AKR1C4: variants seen among roughly 807,000 people sequenced by gnomAD.
AKR1C4 encodes 3-alpha-HSD1.
In AKR1C4, 44 loss-of-function variants were observed where a neutral mutation model predicts 41.0. The observed-to-expected ratio is 1.07, with a 90% CI of 0.84 to 1.38. AKR1C4 has a LOEUF of 1.38. AKR1C4 is among the 40% of genes most tolerant of loss of function. The pLI is 0.00. For synonymous variants in AKR1C4, 165 were observed against 137.7 expected (o/e 1.20, Z -1.39); for missense variants, 438 against 387.9 (o/e 1.13, Z -1.09).
chr10:5,207,685 G>A, intron 5 of AKR1C4: 1 of 832,290 alleles, frequency 1.2e-6, no homozygotes, highest in Non-Finnish European at 1.8e-6. Flanking sequence ...AATAAAGGAA[G>A]GACTTGAGAA....
intron 1 of AKR1C4, among the ~76,000 whole-genome samples, chr10:5,199,630 G>A (rs1253172026): frequency 2.0e-5 from 3 of 152,228 alleles, no homozygotes; most frequent in Non-Finnish European, 2.9e-5. Flanking sequence ...GCCACCTACT[G>A]GCAGAAGCAG....
At chr10:5,204,744 A>G (rs1332271877) in intron 3 of AKR1C4, 6 of 581,492 alleles carry the variant, frequency 1.0e-5, no homozygotes, top group Middle Eastern at 2.7e-4. Flanking sequence ...GCCACCTTCA[A>G]GGCTCTGTCT....
chr10:5,217,457 T>C (rs1279248784), intron 8 of AKR1C4, among the ~76,000 whole-genome samples: 3 of 152,206 alleles, frequency 2.0e-5, no homozygotes, highest in Admixed American at 6.5e-5. Flanking sequence ...TTAGAGAAGA[T>C]AGATTAAAAA....
At position 5,218,815 on chromosome 10, in the gene AKR1C4, C is replaced by A; in HGVS notation, c.*55C>A. Reference sequence around the variant, plus strand: ...AAGGCCCTGTGTGTGGATGGTGATGCAGAGGATGTCTCTATGCTGGTGACT... The same window carrying A: ...AAGGCCCTGTGTGTGGATGGTGATGAAGAGGATGTCTCTATGCTGGTGACT... On this transcript the variant is annotated 3_prime_UTR_variant, in exon 9 of 9. Coordinates refer to ENST00000263126, the MANE Select transcript of AKR1C4 (RefSeq NM_001818.5). 6.6e-7 allele frequency: 1 copy of A among 1,521,084 alleles called. No individual in the cohort carries two copies. Among genetic ancestry groups the A allele is most frequent in the South Asian group, 1.1e-5 (1 of 88,938 alleles). 94.2% of individuals were successfully genotyped at this position (1,521,084 alleles called of 1,614,324 possible).
chr10:5,209,785 A>C (rs1317152579), intron 5 of AKR1C4, among the ~76,000 whole-genome samples: 1 of 152,194 alleles, frequency 6.6e-6, no homozygotes, highest in Non-Finnish European at 1.5e-5. Context: ...ATCTCCCACC[A>C]GGTCCCTCCC....
intron 7 of AKR1C4, 46 bp downstream of exon 7, chr10:5,213,205 C>G: frequency 6.2e-7 from 1 of 1,602,666 alleles, no homozygotes; most frequent in Non-Finnish European, 8.5e-7. Context: ...GTGTCCTTCA[C>G]ACGTGTGCTT....
intron 5 of AKR1C4, among the ~76,000 whole-genome samples, chr10:5,206,795 T>C (rs1163997743): frequency 4.0e-5 from 6 of 148,406 alleles, no homozygotes; most frequent in African/African-American, 1.5e-4. Flanking sequence ...GAGCAATAAA[T>C]CAGGAGACAG....
chr10:5,209,149 C>G (rs1236655499), intron 5 of AKR1C4, among the ~76,000 whole-genome samples: 1 of 152,166 alleles, frequency 6.6e-6, no homozygotes, highest in African/African-American at 2.4e-5. Context: ...TAATTTTGAT[C>G]ACTTGGTTAA....
At chr10:5,213,289 G>C in intron 7 of AKR1C4, 130 bp downstream of exon 7, 2 of 1,413,348 alleles carry the variant, frequency 1.4e-6, no homozygotes, top group Non-Finnish European at 1.9e-6. Flanking sequence ...TGCTTTGTGT[G>C]CATAAGTGTT....
intron 5 of AKR1C4, among the ~76,000 whole-genome samples, chr10:5,211,945 G>A (rs952778985): frequency 1.3e-5 from 2 of 152,148 alleles, no homozygotes; most frequent in Non-Finnish European, 1.5e-5. Context: ...ATTAGATCTT[G>A]AGAGACTTAT....
In AKR1C4 at chr10:5,218,704, C is replaced by A. The variant is rs782468871; in HGVS notation, c.930-14C>A. 2.3e-5 allele frequency: 36 copies of A among 1,577,770 alleles called. No individual in the cohort carries two copies. The highest frequency in any genetic ancestry group is 3.1e-5 in the Non-Finnish European group (35 of 1,146,984). The stretch of plus-strand genomic sequence containing the variant: ...ATTTCATCCATATTTATGTACTATC[C>A]TTTCTCTTTTCAGTCTTATGGACCA... On this transcript the variant is annotated splice_polypyrimidine_tract_variant and intron_variant, in intron 8 of 8. Transcript: ENST00000263126.
chr10:5,204,872 C>G (rs975277494), intron 3 of AKR1C4, among the ~76,000 whole-genome samples: 1 of 152,108 alleles, frequency 6.6e-6, no homozygotes, highest in African/African-American at 2.4e-5. Context: ...CATTATCTTT[C>G]CCCATTTTAA....
At chr10:5,211,535 C>T (rs1386794034) in intron 5 of AKR1C4, among the ~76,000 whole-genome samples, 1 of 152,204 alleles carries the variant, frequency 6.6e-6, no homozygotes, top group Non-Finnish European at 1.5e-5. Context: ...ACAAGTTCCT[C>T]ATCTCCATCT....
At chr10:5,200,497 A>C in intron 2 of AKR1C4, 149 bp downstream of exon 2, 1 of 1,333,800 alleles carries the variant, frequency 7.5e-7, no homozygotes, top group Non-Finnish European at 9.9e-7. Context: ...AGCTAAAATA[A>C]AAGGCAGAGA....
chr10:5,198,290 A>G (rs1832342206), intron 1 of AKR1C4, among the ~76,000 whole-genome samples: 2 of 152,190 alleles, frequency 1.3e-5, no homozygotes, highest in Non-Finnish European at 2.9e-5. Flanking sequence ...CTGTGTAGAA[A>G]GGAGTTAACA....
At position 5,218,648 on chromosome 10, in the gene AKR1C4, T is replaced by C. The variant is rs1374461830; in HGVS notation, c.930-70T>C. 17 of 1,304,512 alleles carry C rather than the reference T, an allele frequency of 1.3e-5. No homozygotes were observed. The Admixed American group carries it at 3.0e-4, about 23-fold the overall frequency. The allele number at this position is 1,304,512 out of a possible 1,614,324, so 80.8% of individuals were successfully genotyped here. A position where few individuals can be genotyped will look rare whatever the true frequency, so the allele number is the denominator to read the frequency against. ...CACACTAATGGCAGCTTCATATAAA[T>C]TCACTTTGCTACCAGCTTTTTAATA... On this transcript the variant is annotated intron_variant, in intron 8 of 8. Transcript: ENST00000263126.
At chr10:5,213,201 T>C (rs1832605226) in intron 7 of AKR1C4, 42 bp downstream of exon 7, 1 of 1,604,156 alleles carries the variant, frequency 6.2e-7, no homozygotes, top group African/African-American at 1.3e-5. Flanking sequence ...CACAGTGTCC[T>C]TCACACGTGT....
Position 5,205,738 on chromosome 10 carries a change from G to C in AKR1C4, c.370-19G>C. On this transcript the variant is annotated intron_variant, in intron 3 of 8. Transcript: ENST00000263126. ...GGAAAAGTTAAATGGTGACACTAAA[G>C]TGACTGCTTCTACTTCAGCCAGGTG... 15 of 1,609,928 alleles carry C rather than the reference G, an allele frequency of 9.3e-6. No homozygotes were observed. Among genetic ancestry groups the C allele is most frequent in the Non-Finnish European group, 1.2e-5 (14 of 1,177,454 alleles).
chr10:5,201,272 T>C (rs1233700761), intron 2 of AKR1C4, among the ~76,000 whole-genome samples: 2 of 152,190 alleles, frequency 1.3e-5, no homozygotes, highest in Non-Finnish European at 2.9e-5. Context: ...CAACTTCTAC[T>C]GTCTTTTCAG....
Sources: allele counts gnomAD v4.1 joint callset (sites outside exome capture counted in the v4.1 genomes callset), GRCh38; gene constraint gnomAD v4.1.1; transcripts MANE v1.5; gene names NCBI Gene and HGNC (gene_info 2026-07-23, HGNC 2026-07-21).